Variants in MRTFA observed in about 807,000 individuals in gnomAD.
MRTFA encodes the protein myocardin-related transcription factor A.
In MRTFA, 20 loss-of-function variants were observed where a neutral mutation model predicts 83.5. The ratio of observed to expected loss-of-function variants is 0.24; its 90% CI spans 0.17 to 0.35. The LOEUF is 0.35. MRTFA is among the 10% of genes least tolerant of loss of function. The probability of loss-of-function intolerance (pLI) is 1.00; values close to 1 mark genes in which losing one functional copy is unlikely to be tolerated. For synonymous variants in MRTFA, 659 were observed against 541.2 expected (o/e 1.22, Z -3.02); for missense variants, 1,200 against 1,224.7 (o/e 0.98, Z 0.30).
At chr22:40,438,389 A>C (rs920300978) in intron 4 of MRTFA, among the ~76,000 whole-genome samples, 2 of 152,194 alleles carry the variant, frequency 1.3e-5, no homozygotes, top group African/African-American at 4.8e-5. Flanking sequence ...CTCTGTCTAA[A>C]ACCCTGGCTG....
In MRTFA at chr22:40,416,123, G is replaced by A. The variant is rs1037756379; in HGVS notation, c.2578+863C>T. On this transcript the variant is annotated intron_variant, in intron 14 of 14. Transcript: ENST00000355630. The surrounding 1 kb of genome is among the most constrained non-coding windows in gnomAD (Gnocchi z 4.2). ...GGGACCGCGCAATGTGGTCCCACAC[G>A]TGCCCCCTCCCCAGCTCACCCCATC... Among the ~76,000 whole-genome samples, 17 of 152,058 alleles carry A rather than the reference G, an allele frequency of 1.1e-4. No individual in the cohort carries two copies. The highest frequency in any genetic ancestry group is 2.2e-4 in the African/African-American group (9 of 41,384).
intron 2 of MRTFA, chr22:40,587,336 C>A: frequency 2.3e-6 from 1 of 435,224 alleles, no homozygotes; most frequent in Admixed American, 2.8e-5. Context: ...CAGAATAATT[C>A]TAGGAATGTT....
intron 2 of MRTFA, among the ~76,000 whole-genome samples, chr22:40,585,849 T>A (rs576762572): frequency 2.8e-4 from 43 of 152,278 alleles, no homozygotes; most frequent in African/African-American, 7.9e-4. Context: ...TGAACATATA[T>A]CCTAACACAG....
intron 1 of MRTFA, among the ~76,000 whole-genome samples, chr22:40,617,632 C>A (rs1472794686): frequency 6.6e-6 from 1 of 150,440 alleles, no homozygotes; most frequent in African/African-American, 2.4e-5. Context: ...GAGGCTGAGG[C>A]AGGAGAATGG....
intron 3 of MRTFA, among the ~76,000 whole-genome samples, chr22:40,499,985 G>C (rs770239978): frequency 2.3e-5 from 3 of 128,434 alleles, no homozygotes; most frequent in Non-Finnish European, 3.1e-5. Flanking sequence ...GAAATGGTAC[G>C]ATCTCGGCTC....
chr22:40,495,551 G>C (rs1343669560), intron 3 of MRTFA, among the ~76,000 whole-genome samples: 1 of 150,822 alleles, frequency 6.6e-6, no homozygotes, highest in Non-Finnish European at 1.5e-5. Context: ...TTGAGGTCAG[G>C]AGTTTGAGAC....
rs999542135 is a variant in MRTFA at position 40,573,395 on chromosome 22, C to G, written c.-21-21028G>C. ...TCAGCCTCCCAAGTAGCTGGGACTA[C>G]AGGTATATGCCACCACACCTGGCTA... On this transcript the variant is annotated intron_variant, in intron 2 of 14. Coordinates refer to ENST00000355630, the MANE Select transcript of MRTFA (RefSeq NM_020831.6). Among the ~76,000 whole-genome samples, 4 of 152,208 alleles carry G rather than the reference C, an allele frequency of 2.6e-5. No homozygotes were observed. The East Asian group carries it at 5.8e-4, about 22-fold the overall frequency.
At chr22:40,452,544 C>T (rs2053513188) in intron 4 of MRTFA, among the ~76,000 whole-genome samples, 1 of 152,110 alleles carries the variant, frequency 6.6e-6, no homozygotes, top group Non-Finnish European at 1.5e-5. Flanking sequence ...TACTTTCAGC[C>T]AGGCACAATG....
intron 7 of MRTFA, among the ~76,000 whole-genome samples, chr22:40,425,446 G>C (rs776883427): frequency 1.3e-5 from 2 of 152,230 alleles, no homozygotes; most frequent in Non-Finnish European, 2.9e-5. Flanking sequence ...GGAACAAAGC[G>C]CAACAGCTCA....
chr22:40,488,604 G>A (rs1820581444), intron 3 of MRTFA, among the ~76,000 whole-genome samples: 2 of 152,006 alleles, frequency 1.3e-5, no homozygotes, highest in African/African-American at 4.8e-5. Context: ...GGCCAAGGCG[G>A]GCGGATCAAC....
chr22:40,433,825 A>T (rs1415232020), intron 5 of MRTFA, among the ~76,000 whole-genome samples: 1 of 152,266 alleles, frequency 6.6e-6, no homozygotes, highest in Non-Finnish European at 1.5e-5. Context: ...AATTTTTAGT[A>T]CATGTGTAAA....
At chr22:40,616,024 A>AT (rs1470146905) in intron 1 of MRTFA, among the ~76,000 whole-genome samples, 2 of 152,156 alleles carry the variant, frequency 1.3e-5, no homozygotes, top group Non-Finnish European at 2.9e-5. Context: ...TTATTATTTC[A>AT]TTATTTTTAT....
chr22:40,430,109 C>T (rs2053037368), intron 6 of MRTFA, among the ~76,000 whole-genome samples: 1 of 152,202 alleles, frequency 6.6e-6, no homozygotes, highest in African/African-American at 2.4e-5. Context: ...CAATTCACAT[C>T]TCTGCTCTGG....
At chr22:40,487,930 T>C (rs1034989743) in intron 3 of MRTFA, among the ~76,000 whole-genome samples, 45 of 152,060 alleles carry the variant, frequency 3.0e-4, no homozygotes, top group African/African-American at 1.1e-3. Context: ...CCACCTACCA[T>C]GTATAAAAAT....
intron 4 of MRTFA, among the ~76,000 whole-genome samples, chr22:40,444,704 A>G (rs2053343317): frequency 6.6e-6 from 1 of 152,094 alleles, no homozygotes; most frequent in African/African-American, 2.4e-5. Context: ...TGGCAAGGGA[A>G]GGATATAATC....
chr22:40,423,926 T>C (rs1052998368), intron 8 of MRTFA, among the ~76,000 whole-genome samples: 4 of 152,138 alleles, frequency 2.6e-5, no homozygotes, highest in Admixed American at 6.5e-5. Flanking sequence ...CTGCTCCAAA[T>C]AAATGAATAC....
Position 40,423,645 on chromosome 22 carries a change from A to G in MRTFA, c.818T>C (p.Met273Thr), listed in dbSNP as rs1212043779. The G allele has an allele frequency of 2.5e-6, 4 of 1,587,850 alleles. No individual in the cohort carries two copies. Among genetic ancestry groups the G allele is most frequent in the East Asian group, 2.3e-5 (1 of 43,346 alleles). The change falls in exon 9 of 15, where the codon ATG (methionine) becomes ACG (threonine). Residue 273 changes from methionine (M) to threonine (T), a missense_variant. Around this residue, in one of 2 missense-constraint regions of MRTFA, gnomAD observed 1,107 missense variants for 1,041.8 expected, o/e 1.06. Transcript: ENST00000355630. Reference sequence around the variant, plus strand: ...AGGAGGCTGCTCTGCCAGGAAAAGCATTTCTCTGGAATCCCGGCCCATCGG... The same window carrying G: ...AGGAGGCTGCTCTGCCAGGAAAAGCGTTTCTCTGGAATCCCGGCCCATCGG...
At chr22:40,607,639 C>A (rs951053605) in intron 1 of MRTFA, among the ~76,000 whole-genome samples, 6 of 152,212 alleles carry the variant, frequency 3.9e-5, no homozygotes, top group Non-Finnish European at 8.8e-5. Flanking sequence ...TAAAGCAAGC[C>A]TTCCCAACAG....
chr22:40,496,623 A>G (rs1036573330), intron 3 of MRTFA, among the ~76,000 whole-genome samples: 4 of 143,012 alleles, frequency 2.8e-5, no homozygotes, highest in African/African-American at 1.1e-4. Context: ...GCACTCAGTA[A>G]ATTTGAGCTG....
Sources: gnomAD v4.1 joint callset for allele counts (sites outside exome capture counted in the v4.1 genomes callset) on GRCh38, gnomAD v4.1.1 for gene constraint, gnomAD v4.1.1 regional missense constraint, Gnocchi (gnomAD v3.1) non-coding constraint, MANE v1.5 for transcripts, NCBI Gene and HGNC (gene_info 2026-07-23, HGNC 2026-07-21) for gene names.